The following STAT1 variants were observed in gnomAD, a reference collection of about 807,000 sequenced individuals.
STAT1 encodes the protein signal transducer and activator of transcription 1-alpha/beta.
STAT1 carries 24 observed loss-of-function variants against 111.7 expected under a neutral mutation model. That is an observed-to-expected ratio of 0.21 (90% CI 0.16 to 0.30). The LOEUF (loss-of-function observed/expected upper bound fraction) is 0.30. Among genes scored for constraint, STAT1 ranks in the 10% least tolerant of loss-of-function variants. The probability of loss-of-function intolerance (pLI) is 1.00; values close to 1 mark genes in which losing one functional copy is unlikely to be tolerated. For missense variants in STAT1, 351 were observed against 911.9 expected, an observed-to-expected ratio of 0.38 and a Z score of 7.92; for synonymous variants, 332 against 326.5, an observed-to-expected ratio of 1.02 and a Z score of -0.18.
Position 190,999,682 on chromosome 2 carries a change from C to T in STAT1, c.485G>A (p.Ser162Asn). 1.2e-6 allele frequency: 2 copies of T among 1,613,542 alleles called. No homozygotes were observed. The highest frequency in any genetic ancestry group is 1.7e-6 in the Non-Finnish European group (2 of 1,179,578). ...ATATTCATCTTGTAAATCTTCCAGG[C>T]TCTTGATTTCATGCTCTATACACTA... is the stretch of plus-strand genomic sequence containing the variant. Reference protein sequence around the residue: ...KVMCIEHEIKSLEDLQDEYDF... With the variant: ...KVMCIEHEIKNLEDLQDEYDF... The change falls in exon 7 of 25, where the codon AGC becomes AAC. Residue 162 changes from serine (S) to asparagine (N), a missense_variant. Ser to Asn is a conservative substitution (Grantham distance 46). Transcript: ENST00000361099. The surrounding 1 kb of genome is among the most constrained non-coding windows in gnomAD (Gnocchi z 4.1).
rs1370764340 is a variant in STAT1 at position 190,982,586 on chromosome 2, CAT to C, written c.1447-70_1447-69del. ...ACCAGTCACAAGTGTGGCACTAAAA[CAT>C]ATGTCCATCCCAAAGTTCAATTCTA... On this transcript the variant is annotated intron_variant, in intron 17 of 24. Coordinates refer to ENST00000361099, the MANE Select transcript of STAT1 (RefSeq NM_007315.4). This position sits in a 1 kb window ranked among gnomAD's most constrained non-coding sequence, Gnocchi z 7.3. 50 of 1,561,992 alleles carry C rather than the reference CAT, an allele frequency of 3.2e-5. No homozygotes were observed. Among genetic ancestry groups the C allele is most frequent in the Non-Finnish European group, 4.2e-5 (48 of 1,133,046 alleles).
At position 190,977,412 on chromosome 2, in the gene STAT1, A is replaced by G. The variant is rs765499507; in HGVS notation, c.1874-387T>C. Among the ~76,000 whole-genome samples, 8 of 152,376 alleles carry G rather than the reference A, an allele frequency of 5.3e-5. No homozygotes were observed. Among genetic ancestry groups the G allele is most frequent in the Admixed American group, 3.3e-4 (5 of 15,310 alleles). ...GATTTAAATTACTAGAGATAAACTC[A>G]CTTTGTTTTTCTTTTCATATTGAAA... On this transcript the variant is annotated intron_variant, in intron 21 of 24. Coordinates refer to ENST00000361099, the MANE Select transcript of STAT1 (RefSeq NM_007315.4). The surrounding 1 kb of genome is among the most constrained non-coding windows in gnomAD (Gnocchi z 4.7).
rs567489741 is a variant in STAT1, at chr2:190,997,346, T to C, written c.785+510A>G. Among the ~76,000 whole-genome samples the C allele has an allele frequency of 4.6e-5, 7 of 152,304 alleles. No homozygotes were observed. The highest frequency in any genetic ancestry group is 1.4e-4 in the African/African-American group (6 of 41,562). ...TGGATACTTTTACCACACGAATTATTACCATGTCTACATCCCCCCCTCCAC... is the reference window on the plus strand; with the variant it reads ...TGGATACTTTTACCACACGAATTATCACCATGTCTACATCCCCCCCTCCAC... On this transcript the variant is annotated intron_variant, in intron 9 of 24. Coordinates refer to ENST00000361099, the MANE Select transcript of STAT1 (RefSeq NM_007315.4). The surrounding 1 kb of genome is among the most constrained non-coding windows in gnomAD (Gnocchi z 7.3).
At chr2:191,010,308 GCTCT>G (rs1695025382) in intron 2 of STAT1, 1 of 484,456 alleles carries the variant, frequency 2.1e-6, no homozygotes, top group Admixed American at 2.3e-5. Flanking sequence ...CTGGAAACAT[GCTCT>G]CTCTTTTCCC....
At position 190,976,750 on chromosome 2, in the gene STAT1, C is replaced by G; in HGVS notation, c.2059+90G>C. On this transcript the variant is annotated intron_variant, in intron 22 of 24. Coordinates refer to ENST00000361099, the MANE Select transcript of STAT1 (RefSeq NM_007315.4). This position sits in a 1 kb window ranked among gnomAD's most constrained non-coding sequence, Gnocchi z 6.0. ...AAGCCTACTCTTACCAATTCGAAAG[C>G]AAAACACTGCATGGGTGGAGTTTCA... 3 of 1,202,860 alleles carry G rather than the reference C, an allele frequency of 2.5e-6. No homozygotes were observed. The highest frequency in any genetic ancestry group is 3.7e-6 in the Non-Finnish European group (3 of 810,522). The allele number at this position is 1,202,860 out of a possible 1,614,324, so 74.5% of individuals were successfully genotyped here.
rs1692786929 is a variant in STAT1, at chr2:190,986,042, T to G, written c.1222-382A>C. On this transcript the variant is annotated intron_variant, in intron 14 of 24. Coordinates refer to ENST00000361099, the MANE Select transcript of STAT1 (RefSeq NM_007315.4). This position sits in a 1 kb window ranked among gnomAD's most constrained non-coding sequence, Gnocchi z 5.0. ...TGGGCCCAGTGACTCCAGGTCCACC[T>G]GCCCTCAAGTGGACGTCAATCTCTG... is the stretch of plus-strand genomic sequence containing the variant. Among the ~76,000 whole-genome samples the G allele has an allele frequency of 6.6e-6, 1 of 152,152 alleles. No individual in the cohort carries two copies. The highest frequency in any genetic ancestry group is 2.4e-5 in the African/African-American group (1 of 41,452).
chr2:190,992,927 T>C (rs1047610217), intron 10 of STAT1: 1 of 268,812 alleles, frequency 3.7e-6, no homozygotes, highest in Middle Eastern at 1.2e-3. Flanking sequence ...GTAGCTGGGA[T>C]TACAGGCGCC....
rs1397460012 is a variant in STAT1, at chr2:190,980,328, C to T, written c.1632+292G>A. 6.6e-6 allele frequency among the ~76,000 whole-genome samples: 1 copy of T among 152,250 alleles called. No individual in the cohort carries two copies. Among genetic ancestry groups the T allele is most frequent in the African/African-American group, 2.4e-5 (1 of 41,468 alleles). On this transcript the variant is annotated intron_variant, in intron 19 of 24. Coordinates refer to ENST00000361099, the MANE Select transcript of STAT1 (RefSeq NM_007315.4). This position sits in a 1 kb window ranked among gnomAD's most constrained non-coding sequence, Gnocchi z 6.1. ...CACCCAGCCCACAACATACATTTCA[C>T]ACAGAAATGGCTAAAACACTGCTGG...
Position 190,990,523 on chromosome 2 carries a change from T to G in STAT1, c.1037+705A>C, listed in dbSNP as rs919260280. ...TTCCTGGAAACACTTCTACAATTAG[T>G]ATCGAGGAGAAAGACTACAAAACAA... On this transcript the variant is annotated intron_variant, in intron 11 of 24. Coordinates refer to ENST00000361099, the MANE Select transcript of STAT1 (RefSeq NM_007315.4). The surrounding 1 kb of genome is among the most constrained non-coding windows in gnomAD (Gnocchi z 5.1). Among the ~76,000 whole-genome samples, 5 of 152,168 alleles carry G rather than the reference T, an allele frequency of 3.3e-5. No individual in the cohort carries two copies. Among genetic ancestry groups the G allele is most frequent in the African/African-American group, 1.2e-4 (5 of 41,444 alleles).
At position 191,007,928 on chromosome 2, in the gene STAT1, A is replaced by C; in HGVS notation, c.274-267T>G. The C allele has an allele frequency of 1.9e-6, 1 of 529,000 alleles. No individual in the cohort carries two copies. The highest frequency in any genetic ancestry group is 3.5e-6 in the Non-Finnish European group (1 of 284,046). The allele number at this position is 529,000 out of a possible 1,614,324, so 32.8% of individuals were successfully genotyped here. A position where few individuals can be genotyped will look rare whatever the true frequency, so the allele number is the denominator to read the frequency against. ...CACATATGGTTCACATAATATTTTT[A>C]CTTTAATATCTTTCCATATTTCTTA... On this transcript the variant is annotated intron_variant, in intron 4 of 24. Coordinates refer to ENST00000361099, the MANE Select transcript of STAT1 (RefSeq NM_007315.4). The surrounding 1 kb of genome is among the most constrained non-coding windows in gnomAD (Gnocchi z 4.2).
chr2:190,991,025 T>G (rs751916138), intron 11 of STAT1, among the ~76,000 whole-genome samples: 1 of 152,222 alleles, frequency 6.6e-6, no homozygotes, highest in Non-Finnish European at 1.5e-5. Flanking sequence ...CAGGAGTGTG[T>G]ACATATATGT....
rs1402427353 is a variant in STAT1, at chr2:191,004,372, A to C, written c.372+3191T>G. On this transcript the variant is annotated intron_variant, in intron 5 of 24. Coordinates refer to ENST00000361099, the MANE Select transcript of STAT1 (RefSeq NM_007315.4). The surrounding 1 kb of genome is among the most constrained non-coding windows in gnomAD (Gnocchi z 5.0). ...CTCTAGAGACCTTGTTTGGATGGGA[A>C]CTTGGTTACTCCAGACCCCAGAGCA... is the stretch of plus-strand genomic sequence containing the variant. Among the ~76,000 whole-genome samples the C allele has an allele frequency of 2.0e-5, 3 of 152,170 alleles. No homozygotes were observed. The highest frequency in any genetic ancestry group is 7.2e-5 in the African/African-American group (3 of 41,436).
chr2:191,011,485 C>T (rs966476570), intron 2 of STAT1, among the ~76,000 whole-genome samples: 3 of 152,270 alleles, frequency 2.0e-5, no homozygotes, highest in African/African-American at 4.8e-5. Context: ...GGCAGTGGAG[C>T]GCAGTTCACT....
chr2:191,013,105 G>A (rs1695265019), intron 2 of STAT1, among the ~76,000 whole-genome samples: 1 of 152,166 alleles, frequency 6.6e-6, no homozygotes, highest in Admixed American at 6.5e-5. Context: ...TATACTATGT[G>A]CTCGAAACAG....
chr2:190,993,413 G>C lies in STAT1; in HGVS notation c.944+1648C>G. On this transcript the variant is annotated intron_variant, in intron 10 of 24. Coordinates refer to ENST00000361099, the MANE Select transcript of STAT1 (RefSeq NM_007315.4). This position sits in a 1 kb window ranked among gnomAD's most constrained non-coding sequence, Gnocchi z 4.1. ...GATTGTTTTCCCGTCTAACTCTATA[G>C]TTCTTATTTTGAAATCCATACCAAT... 7.2e-7 allele frequency: 1 copy of C among 1,395,066 alleles called. No homozygotes were observed. Among genetic ancestry groups the C allele is most frequent in the Non-Finnish European group, 1.0e-6 (1 of 1,000,552 alleles). 86.4% of individuals were successfully genotyped at this position (1,395,066 alleles called of 1,614,324 possible).
In STAT1 at chr2:190,977,062, AT is replaced by A. The variant is rs757728434; in HGVS notation, c.1874-38del. On this transcript the variant is annotated intron_variant, in intron 21 of 24. Transcript: ENST00000361099. The surrounding 1 kb of genome is among the most constrained non-coding windows in gnomAD (Gnocchi z 4.7). ...AAAAGCTAAGTAAATCCCATAGAAC[AT>A]CCCAAAATGAAAGAGGACAGAGAAA... 3.4e-5 allele frequency: 54 copies of A among 1,602,928 alleles called. No individual in the cohort carries two copies. Among genetic ancestry groups the A allele is most frequent in the Non-Finnish European group, 4.3e-5 (50 of 1,170,038 alleles).
At position 190,998,009 on chromosome 2, in the gene STAT1, T is replaced by C; in HGVS notation, c.634-2A>G. ...CTCTATTATTTTGTGAACTACTTCC[T>C]AAAGGCAATAGAAGAAACAAAGTGA... On this transcript the variant is annotated splice_acceptor_variant, in intron 8 of 24. Transcript: ENST00000361099. LOFTEE classifies it high-confidence loss of function. This position sits in a 1 kb window ranked among gnomAD's most constrained non-coding sequence, Gnocchi z 4.1. 1 of 1,614,136 alleles carries C rather than the reference T, an allele frequency of 6.2e-7. No individual in the cohort carries two copies. Among genetic ancestry groups the C allele is most frequent in the Non-Finnish European group, 8.5e-7 (1 of 1,179,978 alleles).
At position 191,006,997 on chromosome 2, in the gene STAT1, A is replaced by T. The variant is rs888447824; in HGVS notation, c.372+566T>A. ...TCCCAGCTCCGTGTACAGCATTACC[A>T]TTTTTCAAGGGGTTCTAGTAGCTGC... On this transcript the variant is annotated intron_variant, in intron 5 of 24. Transcript: ENST00000361099. The surrounding 1 kb of genome is among the most constrained non-coding windows in gnomAD (Gnocchi z 4.6). Among the ~76,000 whole-genome samples the T allele has an allele frequency of 7.9e-5, 12 of 151,816 alleles. No individual in the cohort carries two copies. The highest frequency in any genetic ancestry group is 2.7e-4 in the African/African-American group (11 of 41,302).
chr2:191,009,592 T>C lies in STAT1; in HGVS notation c.128+284A>G, dbSNP rs41330646. On this transcript the variant is annotated intron_variant, in intron 3 of 24. Transcript: ENST00000361099. The stretch of plus-strand genomic sequence containing the variant: ...ATCCTAAGTTGGAAAATAATCGGTG[T>C]CAGTATTCCGTAACTTGTCCAAAGC... Among the ~76,000 whole-genome samples the C allele has an allele frequency of 4.6e-3, 697 of 152,340 alleles. 5 individuals are homozygous for C. The highest frequency in any genetic ancestry group is 0.016 in the African/African-American group (672 of 41,568).
Sources: allele counts gnomAD v4.1 joint callset (sites outside exome capture counted in the v4.1 genomes callset), GRCh38; gene constraint gnomAD v4.1.1; non-coding constraint Gnocchi (gnomAD v3.1); transcripts MANE v1.5; gene names NCBI Gene and HGNC (gene_info 2026-07-23, HGNC 2026-07-21).